Variants in TRPA1 observed in about 807,000 individuals in gnomAD.
TRPA1 encodes ankyrin-like with transmembrane domains 1.
TRPA1 carries 129 observed loss-of-function variants against 131.3 expected under a neutral mutation model. That is an observed-to-expected ratio of 0.98 (90% CI 0.85 to 1.14). The LOEUF (loss-of-function observed/expected upper bound fraction) is 1.14, where lower values mean the gene tolerates loss of function less well. Ranked by LOEUF, TRPA1 falls within the 50% of genes most tolerant of loss-of-function variation. TRPA1 has a pLI of 0.00. For missense variants in TRPA1, 1,304 were observed against 1,354.2 expected, an observed-to-expected ratio of 0.96 and a Z score of 0.58; for synonymous variants, 441 against 451.7, an observed-to-expected ratio of 0.98 and a Z score of 0.30.
chr8:72,023,842 C>A lies in TRPA1; in HGVS notation c.3121G>T (p.Glu1041Ter). The change falls in exon 26 of 27, where the codon GAA (glutamate) becomes TAA (stop). Residue 1041 changes from glutamate to a stop codon, truncating the protein, a stop_gained. Transcript: ENST00000262209. LOFTEE classifies it high-confidence loss of function. ...TATTTCTGCTTTAATATTTCCATTT[C>A]TAAAGATTTATCAGCATTTGGTATT... ...QEIPNADKSL[E>*]MEILKQKYRL... 1 of 1,591,660 alleles carries A rather than the reference C, an allele frequency of 6.3e-7. No individual in the cohort carries two copies. Among genetic ancestry groups the A allele is most frequent in the Non-Finnish European group, 8.6e-7 (1 of 1,160,020 alleles).
Position 72,022,831 on chromosome 8 carries a change from ACT to A in TRPA1, c.*73_*74del. On this transcript the variant is annotated 3_prime_UTR_variant, in exon 27 of 27. Coordinates refer to ENST00000262209, the MANE Select transcript of TRPA1 (RefSeq NM_007332.3). ...AAATGAATCATTCTGCTTCTTCCTC[ACT>A]CTTTTTAAATTGAAAGTTAGAACCA... 4 of 1,347,242 alleles carry A rather than the reference ACT, an allele frequency of 3.0e-6. No individual in the cohort carries two copies. Among genetic ancestry groups the A allele is most frequent in the Non-Finnish European group, 4.2e-6 (4 of 944,390 alleles). 83.5% of individuals were successfully genotyped at this position (1,347,242 alleles called of 1,614,324 possible).
In TRPA1 at chr8:72,026,018, A is replaced by G; in HGVS notation, c.2993T>C (p.Val998Ala). The G allele has an allele frequency of 1.2e-6, 2 of 1,614,044 alleles. No individual in the cohort carries two copies. Among genetic ancestry groups the G allele is most frequent in the East Asian group, 4.5e-5 (2 of 44,872 alleles). The change falls in exon 25 of 27, where the codon GTG becomes GCG. Residue 998 changes from valine (V) to alanine (A), a missense_variant. Transcript: ENST00000262209. ...KKLPLWFLRK[V>A]DQKSTIVYPN... ...ATACACGATGGTGGATTTCTGATCCACTTTGCGTAGAAACCAAAGTGGCAG... is the reference window on the plus strand; with the variant it reads ...ATACACGATGGTGGATTTCTGATCCGCTTTGCGTAGAAACCAAAGTGGCAG...
chr8:72,078,744 T>G (rs1806234239), upstream of TRPA1, among the ~76,000 whole-genome samples: 1 of 152,104 alleles, frequency 6.6e-6, no homozygotes, highest in Non-Finnish European at 1.5e-5. Context: ...TGGACATACA[T>G]TTTTATTTCT....
the TRPA1 span, among the ~76,000 whole-genome samples, chr8:72,086,373 T>G: frequency 6.6e-6 from 1 of 152,230 alleles, no homozygotes; most frequent in Admixed American, 6.5e-5. Context: ...TCTGTAATTT[T>G]TATCATTCTT....
chr8:72,029,575 T>G (rs1440902609), intron 24 of TRPA1, among the ~76,000 whole-genome samples: 1 of 152,202 alleles, frequency 6.6e-6, no homozygotes, highest in Non-Finnish European at 1.5e-5. Context: ...TAACTTAGGT[T>G]GGTTTGACTC....
rs150139289 is a variant in TRPA1 at position 72,069,127 on chromosome 8, C to A, written c.340G>T (p.Val114Phe). 3 of 1,614,178 alleles carry A rather than the reference C, an allele frequency of 1.9e-6. No individual in the cohort carries two copies. Among genetic ancestry groups the A allele is most frequent in the East Asian group, 4.5e-5 (2 of 44,894 alleles). ...CAVEKNQIES[V>F]KFLLSRGANP... ...GCTCCTCTGCTGAGAAGAAACTTAA[C>A]GCTTTCAATTTGGTTTTTTTCTACA... Residue 114 changes from valine (V) to phenylalanine (F), a missense_variant, in exon 3 of 27, where the codon GTT becomes TTT. By Grantham distance (50) the Val-to-Phe change is conservative. Coordinates refer to ENST00000262209, the MANE Select transcript of TRPA1 (RefSeq NM_007332.3).
rs1811948664 is a variant in TRPA1 at position 72,034,271 on chromosome 8, AG to A, written c.2661del (p.Tyr889ThrfsTer4). 1 of 1,608,844 alleles carries A rather than the reference AG, an allele frequency of 6.2e-7. No individual in the cohort carries two copies. The highest frequency in any genetic ancestry group is 1.1e-5 in the South Asian group (1 of 89,428). On this transcript the variant is annotated frameshift_variant, in exon 22 of 27. Transcript: ENST00000262209. LOFTEE classifies it high-confidence loss of function. ...ACCTGTAAATTCAGGAGGATGTAAA[AG>A]CTGAGTCCAAAAGCCAGAAGAAGGA... ...FIFLLLAFGL[S>X]FYILLNLQDP...
chr8:72,077,086 A>T (rs895688966), upstream of TRPA1, among the ~76,000 whole-genome samples: 3 of 152,240 alleles, frequency 2.0e-5, no homozygotes, highest in Non-Finnish European at 4.4e-5. Context: ...GCCTCATAGG[A>T]ATATTAAGAC....
At chr8:72,057,083 T>C in intron 9 of TRPA1, 66 bp from the exon 10 acceptor site, 1 of 1,326,032 alleles carries the variant, frequency 7.5e-7, no homozygotes, top group Non-Finnish European at 1.0e-6. Flanking sequence ...TACGTGGATT[T>C]TCAACTTAGC....
At chr8:72,029,150 A>G (rs368300608) in intron 24 of TRPA1, among the ~76,000 whole-genome samples, 475 of 152,356 alleles carry the variant, frequency 3.1e-3, no homozygotes, top group African/African-American at 0.01. Flanking sequence ...GTCTATAAAA[A>G]TGAGAGAGAT....
the TRPA1 span, among the ~76,000 whole-genome samples, chr8:72,087,689 T>C: frequency 1.3e-5 from 2 of 151,718 alleles, no homozygotes; most frequent in Non-Finnish European, 2.9e-5. Flanking sequence ...AAGTCTCCAA[T>C]TGAGTCTTTG....
chr8:72,050,316 C>T (rs1805468755), intron 15 of TRPA1, among the ~76,000 whole-genome samples: 1 of 152,158 alleles, frequency 6.6e-6, no homozygotes, highest in African/African-American at 2.4e-5. Flanking sequence ...CCAGCAATTC[C>T]TGCCTTGTGA....
chr8:72,075,986 G>T (rs767391749), upstream of TRPA1, among the ~76,000 whole-genome samples: 1 of 151,830 alleles, frequency 6.6e-6, no homozygotes, highest in African/African-American at 2.4e-5. Flanking sequence ...GTTTTCAGGA[G>T]TTTTTTCTAA....
intron 22 of TRPA1, 63 bp downstream of exon 22, chr8:72,034,185 A>C: frequency 1.4e-6 from 2 of 1,450,778 alleles, no homozygotes; most frequent in Non-Finnish European, 1.9e-6. Flanking sequence ...TTTAGATTTA[A>C]ATATAAATAT....
chr8:72,029,476 C>T (rs1811727865), intron 24 of TRPA1, among the ~76,000 whole-genome samples: 1 of 152,164 alleles, frequency 6.6e-6, no homozygotes, highest in South Asian at 2.1e-4. Context: ...AGAAGGTATC[C>T]ATGCTAAGTA....
the TRPA1 span, among the ~76,000 whole-genome samples, chr8:72,081,997 TG>T: frequency 5.3e-5 from 8 of 151,926 alleles, no homozygotes; most frequent in African/African-American, 1.9e-4. Context: ...ATTATTGATA[TG>T]GAACTGCCAT....
At chr8:72,033,927 T>C in intron 22 of TRPA1, 101 bp from the exon 23 acceptor site, 2 of 1,203,094 alleles carry the variant, frequency 1.7e-6, no homozygotes, top group South Asian at 1.3e-5. Flanking sequence ...GAATACTTTT[T>C]TAAAGTCATA....
In TRPA1 at chr8:72,021,613, G is replaced by A. The variant is rs965812498; in HGVS notation, c.*1293C>T. The stretch of plus-strand genomic sequence containing the variant: ...TCGTCCCTCAGCACTCTGCTGGTTT[G>A]TATGAACATCAGTATGTTTGAGAAT... On this transcript the variant is annotated 3_prime_UTR_variant, in exon 27 of 27. Transcript: ENST00000262209. 1.0e-4 allele frequency: 15 copies of A among 145,838 alleles called. No homozygotes were observed. The highest frequency in any genetic ancestry group is 3.5e-4 in the African/African-American group (14 of 40,446). 9.0% of individuals were successfully genotyped at this position (145,838 alleles called of 1,614,324 possible).
rs1563396582 is a variant in TRPA1 at position 72,053,878 on chromosome 8, G to A, written c.1530-11C>T. 1 of 1,601,578 alleles carries A rather than the reference G, an allele frequency of 6.2e-7. No homozygotes were observed. Among genetic ancestry groups the A allele is most frequent in the South Asian group, 1.1e-5 (1 of 89,884 alleles). ...CAGCCATTGTGGTCACTGGTAAAGA[G>A]TTAAGAAAAGATGTGTGCATACACT... is the stretch of plus-strand genomic sequence containing the variant. On this transcript the variant is annotated splice_polypyrimidine_tract_variant and intron_variant, in intron 12 of 26. Coordinates refer to ENST00000262209, the MANE Select transcript of TRPA1 (RefSeq NM_007332.3).
Sources: gnomAD v4.1 joint callset for allele counts (sites outside exome capture counted in the v4.1 genomes callset) on GRCh38, gnomAD v4.1.1 for gene constraint, MANE v1.5 for transcripts, NCBI Gene and HGNC (gene_info 2026-07-23, HGNC 2026-07-21) for gene names.